Variants in NBAS observed in about 807,000 individuals in gnomAD.
NBAS encodes the protein NAG/BC035112 fusion.
Under a neutral mutation model 302.5 loss-of-function variants are expected in NBAS, and 219 were observed. That is an observed-to-expected ratio of 0.72 (90% CI 0.65 to 0.81). NBAS has a LOEUF of 0.81. Ranked by LOEUF, NBAS falls within the 30% of genes least tolerant of loss-of-function variation. NBAS has a pLI of 0.00. For missense variants in NBAS, 2,932 were observed against 2,841.6 expected (o/e 1.03, Z -0.72); for synonymous variants, 1,118 against 1,021.6 (o/e 1.09, Z -1.80).
chr2:15,302,900 C>T (rs907485707), intron 40 of NBAS, among the ~76,000 whole-genome samples: 3 of 152,186 alleles, frequency 2.0e-5, no homozygotes, highest in African/African-American at 7.2e-5. Context: ...ATCTTTCTCC[C>T]ATGCTGGATG....
the NBAS span, among the ~76,000 whole-genome samples, chr2:15,003,168 A>C: frequency 6.6e-6 from 1 of 152,264 alleles, no homozygotes; most frequent in Non-Finnish European, 1.5e-5. Context: ...GCAGAAGTCA[A>C]GGCAGGCTTT....
the NBAS span, among the ~76,000 whole-genome samples, chr2:15,118,898 A>G: frequency 6.6e-6 from 1 of 152,238 alleles, no homozygotes. Flanking sequence ...GTAGTTTGTT[A>G]AGCAGCAATT....
intron 34 of NBAS, among the ~76,000 whole-genome samples, chr2:15,353,315 ATTAC>A (rs1459034677): frequency 6.6e-6 from 1 of 152,062 alleles, no homozygotes; most frequent in African/African-American, 2.4e-5. Flanking sequence ...CTTTCCAAAT[ATTAC>A]TTTCTTTCTT....
At chr2:14,833,873 T>C in the NBAS span, among the ~76,000 whole-genome samples, 1 of 152,142 alleles carries the variant, frequency 6.6e-6, no homozygotes, top group Admixed American at 6.6e-5. Context: ...GAAATGTGAA[T>C]GCAAAATGAT....
intron 29 of NBAS, among the ~76,000 whole-genome samples, chr2:15,380,329 C>A (rs1211716189): frequency 6.6e-6 from 1 of 152,102 alleles, no homozygotes; most frequent in South Asian, 2.1e-4. Flanking sequence ...ATCCTCTCAC[C>A]TTGGCTTCCC....
In NBAS at chr2:15,310,274, T is replaced by A. The variant is rs536220890; in HGVS notation, c.4583-1027A>T. The stretch of plus-strand genomic sequence containing the variant: ...AGAACTCTAAATTTCCTGTGGATGA[T>A]TCACAGAGAAAACCTACTGTGTCTT... On this transcript the variant is annotated intron_variant, in intron 38 of 51. Transcript: ENST00000281513. Among the ~76,000 whole-genome samples the A allele has an allele frequency of 2.0e-5, 3 of 152,328 alleles. No homozygotes were observed. In the East Asian group the frequency reaches 5.8e-4, roughly 29 times the overall value.
chr2:15,001,183 T>C, the NBAS span, among the ~76,000 whole-genome samples: 2 of 152,222 alleles, frequency 1.3e-5, no homozygotes, highest in Non-Finnish European at 2.9e-5. Flanking sequence ...CATTGAGTGA[T>C]CTCTCTACTA....
Position 15,468,537 on chromosome 2 carries a change from C to A in NBAS, c.1726-4G>T. 1.2e-6 allele frequency: 2 copies of A among 1,613,558 alleles called. No homozygotes were observed. Among genetic ancestry groups the A allele is most frequent in the Non-Finnish European group, 1.7e-6 (2 of 1,179,554 alleles). On this transcript the variant is annotated splice_region_variant and splice_polypyrimidine_tract_variant and intron_variant, in intron 16 of 51. Coordinates refer to ENST00000281513, the MANE Select transcript of NBAS (RefSeq NM_015909.4). ...AGGATCGCTTCTTTATTTTACTCTG[C>A]ATATAAAGGAAGAAACAGAGGAATT...
the NBAS span, among the ~76,000 whole-genome samples, chr2:15,134,056 T>TTC: frequency 0.032 from 4,717 of 145,722 alleles, 99 homozygotes; most frequent in East Asian, 0.11. Flanking sequence ...GAACATTTCT[T>TTC]TCTCTCTCTC....
chr2:14,946,451 C>G, the NBAS span, among the ~76,000 whole-genome samples: 14,156 of 152,016 alleles, frequency 0.093, 700 homozygotes, highest in East Asian at 0.15. Context: ...AAGAAGGTCA[C>G]TATATAATGA....
the NBAS span, among the ~76,000 whole-genome samples, chr2:14,880,999 G>C: frequency 2.6e-5 from 4 of 151,202 alleles, no homozygotes; most frequent in Admixed American, 1.3e-4. Flanking sequence ...CTCAATAACA[G>C]CACAGAAAGC....
chr2:14,940,045 C>T, the NBAS span, among the ~76,000 whole-genome samples: 2 of 152,164 alleles, frequency 1.3e-5, no homozygotes, highest in African/African-American at 2.4e-5. Flanking sequence ...CCCTAATACA[C>T]ACTGGAGCAT....
the NBAS span, among the ~76,000 whole-genome samples, chr2:14,966,987 A>C: frequency 4.1e-3 from 632 of 152,328 alleles, 7 homozygotes; most frequent in African/African-American, 0.015. Flanking sequence ...ATCTATATTT[A>C]TATACACTAA....
chr2:15,082,525 G>C, the NBAS span, among the ~76,000 whole-genome samples: 1 of 152,148 alleles, frequency 6.6e-6, no homozygotes, highest in Non-Finnish European at 1.5e-5. Context: ...CTGCACCCCA[G>C]CTCCTGACCC....
intron 28 of NBAS, among the ~76,000 whole-genome samples, chr2:15,386,455 T>C (rs1009487405): frequency 1.3e-5 from 2 of 152,236 alleles, no homozygotes; most frequent in Admixed American, 1.3e-4. Flanking sequence ...TCTTGAAAAG[T>C]TGCCCTTGCT....
chr2:15,375,230 A>G (rs549542223), intron 30 of NBAS, among the ~76,000 whole-genome samples: 10 of 152,228 alleles, frequency 6.6e-5, no homozygotes. Context: ...TGTTGGTAAT[A>G]CACAGTTCTG....
At chr2:15,136,052 G>C in the NBAS span, among the ~76,000 whole-genome samples, 1 of 152,198 alleles carries the variant, frequency 6.6e-6, no homozygotes, top group East Asian at 1.9e-4. Flanking sequence ...CCATTCTCCG[G>C]TCAAGAGGCA....
At chr2:15,287,956 G>A (rs904423348) in intron 41 of NBAS, among the ~76,000 whole-genome samples, 3 of 148,288 alleles carry the variant, frequency 2.0e-5, no homozygotes, top group African/African-American at 7.5e-5. Flanking sequence ...CATGGAGGTA[G>A]CCCGAGCACC....
At chr2:15,455,159 T>G (rs1329721117) in intron 21 of NBAS, among the ~76,000 whole-genome samples, 1 of 152,160 alleles carries the variant, frequency 6.6e-6, no homozygotes, top group Non-Finnish European at 1.5e-5. Flanking sequence ...CACCTTGGCC[T>G]CCCAAAGTGC....
Sources: allele counts gnomAD v4.1 joint callset (sites outside exome capture counted in the v4.1 genomes callset), GRCh38; gene constraint gnomAD v4.1.1; transcripts MANE v1.5; gene names NCBI Gene and HGNC (gene_info 2026-07-23, HGNC 2026-07-21).